Variants in NPR3 observed in about 807,000 individuals in gnomAD.
NPR3 encodes the protein atrial natriuretic peptide receptor 3.
NPR3 carries 34 observed loss-of-function variants against 54.5 expected under a neutral mutation model. That is an observed-to-expected ratio of 0.62 (90% CI 0.47 to 0.83). The LOEUF is 0.83. Ranked by LOEUF, NPR3 falls within the 40% of genes least tolerant of loss-of-function variation. NPR3 has a pLI of 0.00. For synonymous variants in NPR3, 289 were observed against 297.1 expected (o/e 0.97, Z 0.28); for missense variants, 674 against 720.8 (o/e 0.94, Z 0.74).
At position 32,783,013 on chromosome 5, in the gene NPR3, T is replaced by C; in HGVS notation, c.1411T>C (p.Ser471Pro). 1.2e-6 allele frequency: 2 copies of C among 1,601,658 alleles called. No individual in the cohort carries two copies. The highest frequency in any genetic ancestry group is 1.3e-5 in the African/African-American group (1 of 74,930). ...ENRIVEHTNS[S>P]PCKSSGGLEE... is the part of the protein sequence containing the mutation. ...CCGAATTGTAGAGCATACAAACAGC[T>C]CTCCCTGCAAATCATGTAAGTCTGG... The change falls in exon 6 of 8, where the codon TCT (serine) becomes CCT (proline). Residue 471 changes from serine to proline, a missense_variant. Ser to Pro is a moderately conservative substitution (Grantham distance 74). Coordinates refer to ENST00000265074, the MANE Select transcript of NPR3 (RefSeq NM_001204375.2).
upstream of NPR3, among the ~76,000 whole-genome samples, chr5:32,704,971 A>AT (rs1368013850): frequency 1.4e-4 from 22 of 152,354 alleles, no homozygotes; most frequent in Middle Eastern, 3.4e-3. Context: ...AAGTTTGTGG[A>AT]ATATGTGTAT....
chr5:32,754,165 A>C (rs915655563), intron 3 of NPR3, among the ~76,000 whole-genome samples: 1 of 152,160 alleles, frequency 6.6e-6, no homozygotes, highest in African/African-American at 2.4e-5. Flanking sequence ...TGATGCTGCT[A>C]TCCATGTGGG....
At chr5:32,771,213 C>T (rs978928320) in intron 3 of NPR3, among the ~76,000 whole-genome samples, 4 of 152,174 alleles carry the variant, frequency 2.6e-5, no homozygotes, top group African/African-American at 9.7e-5. Context: ...GCTTGAGGTC[C>T]TGTGGGGTAG....
chr5:32,778,229 A>G (rs763046796), intron 4 of NPR3, among the ~76,000 whole-genome samples: 5 of 152,338 alleles, frequency 3.3e-5, no homozygotes, highest in Admixed American at 6.5e-5. Context: ...TTCAGTCTAC[A>G]ATTAGAATCT....
At chr5:32,735,326 T>A (rs1739672234) in intron 2 of NPR3, among the ~76,000 whole-genome samples, 1 of 152,122 alleles carries the variant, frequency 6.6e-6, no homozygotes, top group Non-Finnish European at 1.5e-5. Context: ...GTGACATGCC[T>A]CCCTCTGTGT....
chr5:32,755,767 C>A (rs1452891109), intron 3 of NPR3, among the ~76,000 whole-genome samples: 1 of 152,216 alleles, frequency 6.6e-6, no homozygotes, highest in African/African-American at 2.4e-5. Context: ...AAGTTCTATA[C>A]CTACATTGCC....
chr5:32,728,150 A>G (rs1739231535), intron 2 of NPR3, among the ~76,000 whole-genome samples: 1 of 152,178 alleles, frequency 6.6e-6, no homozygotes, highest in Non-Finnish European at 1.5e-5. Context: ...TTGGGTCTAT[A>G]TTCATGAGTG....
chr5:32,732,580 T>C (rs1739520109), intron 2 of NPR3, among the ~76,000 whole-genome samples: 1 of 152,190 alleles, frequency 6.6e-6, no homozygotes, highest in Non-Finnish European at 1.5e-5. Flanking sequence ...CTGTCCATCT[T>C]CCACAGACTC....
intron 6 of NPR3, 149 bp from the exon 7 acceptor site, chr5:32,784,647 A>T (rs1323192247): frequency 1.8e-5 from 11 of 616,746 alleles, no homozygotes; most frequent in Non-Finnish European, 2.6e-5. Flanking sequence ...AAAACAAAAA[A>T]CAAGTGTAGG....
At position 32,774,642 on chromosome 5, in the gene NPR3, G is replaced by T. The variant is rs1458912340; in HGVS notation, c.1060-66G>T. 6.4e-6 allele frequency: 8 copies of T among 1,240,760 alleles called. No homozygotes were observed. The African/African-American group carries it at 1.2e-4, about 18-fold the overall frequency. The allele number at this position is 1,240,760 out of a possible 1,614,324, so 76.9% of individuals were successfully genotyped here. A position where few individuals can be genotyped will look rare whatever the true frequency, so the allele number is the denominator to read the frequency against. Reference sequence around the variant, plus strand: ...GTCTAACTTGTTAACGCTTTGGATTGCTCATCTTATTCCTGGCATGAGTCA... The same window carrying T: ...GTCTAACTTGTTAACGCTTTGGATTTCTCATCTTATTCCTGGCATGAGTCA... On this transcript the variant is annotated intron_variant, in intron 3 of 7. Coordinates refer to ENST00000265074, the MANE Select transcript of NPR3 (RefSeq NM_001204375.2).
rs746508357 is a variant in NPR3, at chr5:32,712,539, G to C, written c.763G>C (p.Glu255Gln). ...EDIVRNIQAS[E>Q]RVVIMCASSD... ...CATCGTGCGCAATATCCAGGCCAGT[G>C]AGAGAGGTGAGCAGGGGCGCGTCCC... Residue 255 changes from glutamate to glutamine, a missense_variant, in exon 1 of 8, where the codon GAG becomes CAG. By Grantham distance (29) the Glu-to-Gln change is conservative. Transcript: ENST00000265074. The C allele has an allele frequency of 2.6e-6, 4 of 1,519,852 alleles. No homozygotes were observed. The Admixed American group carries it at 7.9e-5, about 30-fold the overall frequency. The allele number at this position is 1,519,852 out of a possible 1,614,324, so 94.1% of individuals were successfully genotyped here. A position where few individuals can be genotyped will look rare whatever the true frequency, so the allele number is the denominator to read the frequency against.
chr5:32,736,239 A>AAAAAG (rs1554015112), intron 2 of NPR3, among the ~76,000 whole-genome samples: 36 of 148,676 alleles, frequency 2.4e-4, no homozygotes, highest in Non-Finnish European at 4.5e-4. Flanking sequence ...TCAAAAAAAA[A>AAAAAG]AAAAAAAAAG....
Position 32,728,839 on chromosome 5 carries a change from A to G in NPR3, c.892+4019A>G, listed in dbSNP as rs868091752. ...TTTGTGTGTGTGTGTGTGTGTGTGT[A>G]TATATATATATATATATATATATAT... On this transcript the variant is annotated intron_variant, in intron 2 of 7. Transcript: ENST00000265074. 4.5e-3 allele frequency among the ~76,000 whole-genome samples: 383 copies of G among 85,252 alleles called. 1 individual carries two copies. Among genetic ancestry groups the G allele is most frequent in the Non-Finnish European group, 5.5e-3 (233 of 42,576 alleles). 55.9% of individuals were successfully genotyped at this position (85,252 alleles called of 152,430 possible).
At chr5:32,765,222 T>C (rs1318426930) in intron 3 of NPR3, among the ~76,000 whole-genome samples, 1 of 152,186 alleles carries the variant, frequency 6.6e-6, no homozygotes, top group African/African-American at 2.4e-5. Context: ...GCCAGTTTTA[T>C]GGTAATCTCA....
chr5:32,694,661 A>G (rs1740480814), intron 1 of NPR3, among the ~76,000 whole-genome samples: 1 of 152,218 alleles, frequency 6.6e-6, no homozygotes, highest in South Asian at 2.1e-4. Context: ...TGAATGGGAT[A>G]TCCATAACCT....
At chr5:32,695,550 A>G (rs1013157121) in intron 1 of NPR3, among the ~76,000 whole-genome samples, 14 of 152,056 alleles carry the variant, frequency 9.2e-5, no homozygotes, top group Admixed American at 7.9e-4. Flanking sequence ...TTACAGGCGT[A>G]AGCCACCACG....
At chr5:32,776,806 G>A (rs1390834012) in intron 4 of NPR3, among the ~76,000 whole-genome samples, 2 of 152,134 alleles carry the variant, frequency 1.3e-5, no homozygotes, top group African/African-American at 4.8e-5. Flanking sequence ...AATGAATACA[G>A]TATATCTTTC....
intron 3 of NPR3, among the ~76,000 whole-genome samples, chr5:32,770,777 A>G (rs764602446): frequency 6.6e-5 from 10 of 152,326 alleles, no homozygotes; most frequent in Middle Eastern, 3.4e-3. Context: ...GCATGTAGGA[A>G]CTTAATTAAG....
chr5:32,713,436 G>T, intron 1 of NPR3: 1 of 985,470 alleles, frequency 1.0e-6, no homozygotes, highest in Non-Finnish European at 1.2e-6. Context: ...CCATTTTACG[G>T]TAGGGTAGAA....
Sources: gnomAD v4.1 joint callset for allele counts (sites outside exome capture counted in the v4.1 genomes callset) on GRCh38, gnomAD v4.1.1 for gene constraint, MANE v1.5 for transcripts, NCBI Gene and HGNC (gene_info 2026-07-23, HGNC 2026-07-21) for gene names.